LYZL4: variants seen among roughly 807,000 people sequenced by gnomAD.
LYZL4 encodes the protein lysozyme-like protein 4.
A neutral mutation model predicts 17.6 loss-of-function variants in LYZL4; 13 were observed. That is an observed-to-expected ratio of 0.74 (90% CI 0.48 to 1.18). The LOEUF is 1.18. Ranked by LOEUF, LYZL4 falls within the 50% of genes most tolerant of loss-of-function variation. LYZL4 has a pLI of 0.00. For synonymous variants in LYZL4, 64 were observed against 67.7 expected (o/e 0.95, Z 0.27); for missense variants, 174 against 188.2 (o/e 0.92, Z 0.44).
At chr3:42,371,363 G>T in the LYZL4 span, among the ~76,000 whole-genome samples, 1 of 152,286 alleles carries the variant, frequency 6.6e-6, no homozygotes, top group East Asian at 1.9e-4. Context: ...GTCCTGTGTT[G>T]TCTACTTTTG....
chr3:42,362,613 G>T, the LYZL4 span, among the ~76,000 whole-genome samples: 1 of 152,120 alleles, frequency 6.6e-6, no homozygotes, highest in Non-Finnish European at 1.5e-5. Flanking sequence ...GCTCTCTGGG[G>T]CCTCTTTTAT....
At chr3:42,377,625 C>CTGTGTGTG in the LYZL4 span, among the ~76,000 whole-genome samples, 5,470 of 143,716 alleles carry the variant, frequency 0.038, 138 homozygotes, top group African/African-American at 0.063. Context: ...GCATGACTCT[C>CTGTGTGTG]TGTGTGTGTG....
At chr3:42,391,912 T>C in the LYZL4 span, among the ~76,000 whole-genome samples, 1 of 151,846 alleles carries the variant, frequency 6.6e-6, no homozygotes, top group African/African-American at 2.4e-5. Context: ...TCTCACTCTG[T>C]CACCCAGGCT....
rs1698706501 is a variant in LYZL4 at position 42,404,073 on chromosome 3, A to G, written c.344T>C (p.Val115Ala). Residue 115 changes from valine (V) to alanine (A), a missense_variant, in exon 4 of 5, where the codon GTA (valine) becomes GCA (alanine). Transcript: ENST00000287748. ...EKTIKCAKTI[V>A]KGKEGMGAWP... ...TGCTCCCATCCCTTCTTTTCCTTTT[A>G]CAATGGTCTTGGCACATTTAATTGT... is the stretch of plus-strand genomic sequence containing the variant. The G allele has an allele frequency of 6.2e-7, 1 of 1,612,902 alleles. No individual in the cohort carries two copies. The highest frequency in any genetic ancestry group is 8.5e-7 in the Non-Finnish European group (1 of 1,178,970).
chr3:42,410,349 G>A (rs549225854), intron 1 of LYZL4, 68 bp downstream of exon 1: 3 of 152,342 alleles, frequency 2.0e-5, no homozygotes, highest in South Asian at 4.1e-4. Flanking sequence ...TGAATTTGCT[G>A]ATGAGCTTCT....
chr3:42,379,927 G>A, the LYZL4 span, among the ~76,000 whole-genome samples: 5 of 152,300 alleles, frequency 3.3e-5, no homozygotes, highest in East Asian at 9.6e-4. Flanking sequence ...GGAAACACAG[G>A]ATCTCTCTCT....
the LYZL4 span, among the ~76,000 whole-genome samples, chr3:42,371,743 G>A: frequency 2.0e-5 from 3 of 152,296 alleles, no homozygotes; most frequent in East Asian, 5.8e-4. Flanking sequence ...ACTGAGGTTT[G>A]GTGTAGGGAA....
At chr3:42,396,700 A>C (rs1444913839), downstream of LYZL4, among the ~76,000 whole-genome samples, 1 of 152,236 alleles carries the variant, frequency 6.6e-6, no homozygotes, top group East Asian at 1.9e-4. Flanking sequence ...ATTTTCCCAA[A>C]TTTCTCTAAT....
At chr3:42,362,300 A>G in the LYZL4 span, among the ~76,000 whole-genome samples, 5 of 152,202 alleles carry the variant, frequency 3.3e-5, no homozygotes, top group African/African-American at 1.2e-4. Context: ...TTCTTTACAG[A>G]AAAATGCCAG....
the LYZL4 span, among the ~76,000 whole-genome samples, chr3:42,389,124 G>A: frequency 6.6e-6 from 1 of 152,202 alleles, no homozygotes; most frequent in Non-Finnish European, 1.5e-5. Context: ...TGGGTGGTGG[G>A]AGCCAGGACC....
At chr3:42,385,031 T>C in the LYZL4 span, among the ~76,000 whole-genome samples, 1 of 152,194 alleles carries the variant, frequency 6.6e-6, no homozygotes, top group Non-Finnish European at 1.5e-5. Context: ...TTTTGCTTTT[T>C]CTATTATGAG....
the LYZL4 span, among the ~76,000 whole-genome samples, chr3:42,363,223 T>G: frequency 6.6e-6 from 1 of 152,190 alleles, no homozygotes; most frequent in African/African-American, 2.4e-5. Flanking sequence ...TTGGTTAAAC[T>G]TCACTTATTT....
At position 42,402,412 on chromosome 3, in the gene LYZL4, A is replaced by C. The variant is rs368523518; in HGVS notation, c.371+1634T>G. On this transcript the variant is annotated intron_variant, in intron 4 of 4. Transcript: ENST00000287748. ...TTGCAATACATATATCCAACAAAAA[A>C]ACTTTATCCAGAATATATAAATATC... Among the ~76,000 whole-genome samples the C allele has an allele frequency of 5.3e-5, 8 of 152,044 alleles. No homozygotes were observed. In the South Asian group the frequency reaches 1.0e-3, roughly 20 times the overall value.
chr3:42,399,450 G>C (rs532106992), intron 4 of LYZL4, among the ~76,000 whole-genome samples: 19 of 152,198 alleles, frequency 1.2e-4, no homozygotes, highest in Non-Finnish European at 2.1e-4. Context: ...TTAGAGAACT[G>C]GCAGATAAAT....
intron 3 of LYZL4, among the ~76,000 whole-genome samples, chr3:42,405,049 T>A (rs992757456): frequency 6.6e-6 from 1 of 152,038 alleles, no homozygotes; most frequent in Non-Finnish European, 1.5e-5. Flanking sequence ...CACAAGCTCA[T>A]GTCGTTCTTT....
the LYZL4 span, among the ~76,000 whole-genome samples, chr3:42,382,585 A>G: frequency 1.3e-5 from 2 of 151,700 alleles, no homozygotes; most frequent in Admixed American, 6.6e-5. Flanking sequence ...TAAATTCCCA[A>G]TTTCTCTACT....
the LYZL4 span, among the ~76,000 whole-genome samples, chr3:42,372,900 G>A: frequency 6.6e-6 from 1 of 152,140 alleles, no homozygotes; most frequent in African/African-American, 2.4e-5. Context: ...TACTATGTCT[G>A]AACTGGGCTA....
chr3:42,375,269 A>C, the LYZL4 span, among the ~76,000 whole-genome samples: 2 of 152,172 alleles, frequency 1.3e-5, no homozygotes, highest in African/African-American at 4.8e-5. Context: ...CTTCAGACAG[A>C]CTTTTGTAGA....
chr3:42,376,231 C>T, the LYZL4 span, among the ~76,000 whole-genome samples: 3 of 152,330 alleles, frequency 2.0e-5, no homozygotes, highest in South Asian at 4.2e-4. Flanking sequence ...CCACCCTTCG[C>T]AGGGAGAATG....
Sources: gnomAD v4.1 joint callset for allele counts (sites outside exome capture counted in the v4.1 genomes callset) on GRCh38, gnomAD v4.1.1 for gene constraint, MANE v1.5 for transcripts, NCBI Gene and HGNC (gene_info 2026-07-23, HGNC 2026-07-21) for gene names.